The following ITGAE variants were observed in gnomAD, a reference collection of about 807,000 sequenced individuals.
ITGAE encodes the protein integrin alpha-E.
A neutral mutation model predicts 136.5 loss-of-function variants in ITGAE; 99 were observed. That is an observed-to-expected ratio of 0.73 (90% CI 0.62 to 0.86). The LOEUF (loss-of-function observed/expected upper bound fraction) is 0.86. Among genes scored for constraint, ITGAE ranks in the 40% least tolerant of loss-of-function variants. ITGAE has a pLI of 0.00. For synonymous variants in ITGAE, 613 were observed against 591.8 expected (o/e 1.04, Z -0.52); for missense variants, 1,447 against 1,515.3 (o/e 0.95, Z 0.75).
chr17:3,768,615 T>A (rs891336400), intron 2 of ITGAE, among the ~76,000 whole-genome samples: 1 of 152,078 alleles, frequency 6.6e-6, no homozygotes, highest in Non-Finnish European at 1.5e-5. Flanking sequence ...CCTTCCACTC[T>A]CCCCAAGGTT....
Position 3,755,231 on chromosome 17 carries a change from A to C in ITGAE, c.1270T>G (p.Phe424Val). The part of the protein sequence containing the change: ...RQVLLGAVGA[F>V]DWSGGALLYD... ...AGCAACGCCCCTCCGGACCAGTCAA[A>C]GGCCCCGACGGCGCCGAGCAGCACC... The change falls in exon 12 of 31, where the codon TTT (phenylalanine) becomes GTT (valine). Residue 424 changes from phenylalanine (F) to valine (V), a missense_variant. Phe to Val is a conservative substitution (Grantham distance 50, BLOSUM62 -1). This residue lies in a region of ITGAE where 1,031 missense variants were observed against 1,011.4 expected (regional missense o/e 1.02). Transcript: ENST00000263087. The C allele has an allele frequency of 6.3e-7, 1 of 1,575,258 alleles. No individual in the cohort carries two copies.
chr17:3,762,860 A>G (rs996979302), intron 3 of ITGAE, among the ~76,000 whole-genome samples: 4 of 150,454 alleles, frequency 2.7e-5, no homozygotes, highest in Non-Finnish European at 4.4e-5. Flanking sequence ...CAGCCTCCCA[A>G]AGTGTTGGGA....
chr17:3,794,207 G>C (rs2053007986), intron 1 of ITGAE, among the ~76,000 whole-genome samples: 1 of 151,706 alleles, frequency 6.6e-6, no homozygotes, highest in Non-Finnish European at 1.5e-5. Flanking sequence ...TTGAACTCCT[G>C]ACCTTGTGAT....
intron 22 of ITGAE, among the ~76,000 whole-genome samples, chr17:3,731,788 C>T (rs1177127774): frequency 6.6e-6 from 1 of 151,790 alleles, no homozygotes; most frequent in East Asian, 2.0e-4. Flanking sequence ...AACTTTTCGT[C>T]TTGGCCGGGC....
In ITGAE at chr17:3,787,231, C is replaced by CTTGTA. The variant is rs2052821887; in HGVS notation, c.35-9572_35-9571insTACAA. 5.9e-5 allele frequency among the ~76,000 whole-genome samples: 9 copies of CTTGTA among 152,040 alleles called. No homozygotes were observed. In the South Asian group the frequency reaches 1.9e-3, roughly 32 times the overall value. ...GGTTCAAGCGATTCTCCTGCCTCAGCCTCCCAAGTAGCTGGGATTACAGGC... is the reference window on the plus strand; with the variant it reads ...GGTTCAAGCGATTCTCCTGCCTCAGCTTGTACTCCCAAGTAGCTGGGATTACAGGC... On this transcript the variant is annotated intron_variant, in intron 1 of 30. Coordinates refer to ENST00000263087, the MANE Select transcript of ITGAE (RefSeq NM_002208.5).
chr17:3,784,182 C>A (rs1265926262), intron 1 of ITGAE, among the ~76,000 whole-genome samples: 1 of 151,934 alleles, frequency 6.6e-6, no homozygotes, highest in Non-Finnish European at 1.5e-5. Context: ...ATGGCGTGAA[C>A]CCGGGAGGCG....
chr17:3,731,036 G>T, intron 23 of ITGAE, 68 bp downstream of exon 23: 1 of 1,288,500 alleles, frequency 7.8e-7, no homozygotes, highest in Non-Finnish European at 1.1e-6. Flanking sequence ...CTCTCACAGC[G>T]TGCATGTGGC....
At chr17:3,725,638 C>A in intron 26 of ITGAE, 1 of 1,606,406 alleles carries the variant, frequency 6.2e-7, no homozygotes, top group Non-Finnish European at 8.5e-7. Context: ...GTCCAGGGAT[C>A]TTACCCTCCC....
At chr17:3,724,958 A>G (rs1403331049) in intron 26 of ITGAE, 1 of 1,614,008 alleles carries the variant, frequency 6.2e-7, no homozygotes, top group African/African-American at 1.3e-5. Flanking sequence ...GGAAGAGCAA[A>G]CATCAGGAGG....
At chr17:3,763,807 G>A (rs2052229559) in intron 3 of ITGAE, 62 bp downstream of exon 3, 1 of 1,313,150 alleles carries the variant, frequency 7.6e-7, no homozygotes, top group African/African-American at 1.4e-5. Context: ...GAGTTTAGAT[G>A]AGGGGGATTT....
chr17:3,724,933 G>T, intron 26 of ITGAE: 1 of 1,613,772 alleles, frequency 6.2e-7, no homozygotes, highest in Non-Finnish European at 8.5e-7. Flanking sequence ...AGGCTGGAGA[G>T]AACTAGATCA....
intron 1 of ITGAE, among the ~76,000 whole-genome samples, chr17:3,783,458 T>C (rs955106384): frequency 2.0e-5 from 3 of 152,182 alleles, no homozygotes; most frequent in Non-Finnish European, 4.4e-5. Flanking sequence ...CTGTCAAATC[T>C]TGTCTTCTCC....
intron 17 of ITGAE, among the ~76,000 whole-genome samples, chr17:3,747,588 C>T (rs1016613403): frequency 5.9e-5 from 9 of 152,264 alleles, no homozygotes; most frequent in East Asian, 3.9e-4. Flanking sequence ...GGATTACAGG[C>T]GTGAGCCACC....
rs1290557189 is a variant in ITGAE at position 3,798,860 on chromosome 17, G to A, written c.34+2251C>T. 1.3e-5 allele frequency among the ~76,000 whole-genome samples: 2 copies of A among 152,192 alleles called. No individual in the cohort carries two copies. Among genetic ancestry groups the A allele is most frequent in the Non-Finnish European group, 2.9e-5 (2 of 68,022 alleles). On this transcript the variant is annotated intron_variant, in intron 1 of 30. Coordinates refer to ENST00000263087, the MANE Select transcript of ITGAE (RefSeq NM_002208.5). This position sits in a 1 kb window ranked among gnomAD's most constrained non-coding sequence, Gnocchi z 4.3. ...GCCACAGGGTAAGAGGGCATGATGG[G>A]GCTGGTGGTCAGGGTGTGGACAGTT...
chr17:3,763,529 A>T (rs1384323575), intron 3 of ITGAE, among the ~76,000 whole-genome samples: 1 of 152,178 alleles, frequency 6.6e-6, no homozygotes, highest in Non-Finnish European at 1.5e-5. Flanking sequence ...CAAAAGACCT[A>T]CATTCTCTGA....
intron 29 of ITGAE, chr17:3,717,451 A>G (rs1381599620): frequency 6.6e-6 from 1 of 152,148 alleles, no homozygotes; most frequent in Non-Finnish European, 1.5e-5. Context: ...AGGCTCTCCC[A>G]ATTTCGGGAG....
At chr17:3,768,009 G>T (rs2052338471) in intron 2 of ITGAE, among the ~76,000 whole-genome samples, 1 of 152,112 alleles carries the variant, frequency 6.6e-6, no homozygotes, top group Admixed American at 6.5e-5. Flanking sequence ...CTTCTAGAAG[G>T]GACCCAGCCC....
rs2053206375 is a variant in ITGAE at position 3,799,824 on chromosome 17, T to C, written c.34+1287A>G. On this transcript the variant is annotated intron_variant, in intron 1 of 30. Transcript: ENST00000263087. The surrounding 1 kb of genome is among the most constrained non-coding windows in gnomAD (Gnocchi z 4.1). ...TTTCCATGGTGACTATTCTGATGTT[T>C]TTGAAATATAAAATATTAGGCCGGG... Among the ~76,000 whole-genome samples, 1 of 152,196 alleles carries C rather than the reference T, an allele frequency of 6.6e-6. No individual in the cohort carries two copies. Among genetic ancestry groups the C allele is most frequent in the Non-Finnish European group, 1.5e-5 (1 of 68,042 alleles).
intron 26 of ITGAE, 60 bp from the exon 27 acceptor site, chr17:3,723,804 C>CGTCCCG: frequency 6.3e-7 from 1 of 1,588,466 alleles, no homozygotes; most frequent in Non-Finnish European, 8.6e-7. Context: ...TTTTCCGTCC[C>CGTCCCG]GTCCCGGCCC....
Sources: allele counts gnomAD v4.1 joint callset (sites outside exome capture counted in the v4.1 genomes callset), GRCh38; gene constraint gnomAD v4.1.1; regional missense constraint gnomAD v4.1.1; non-coding constraint Gnocchi (gnomAD v3.1); transcripts MANE v1.5; gene names NCBI Gene and HGNC (gene_info 2026-07-23, HGNC 2026-07-21).